The following CDH23 variants were observed in gnomAD, a reference collection of about 807,000 sequenced individuals.
CDH23 encodes cadherin related 23, also known as cadherin-23.
CDH23 carries 189 observed loss-of-function variants against 317.1 expected under a neutral mutation model. The observed-to-expected ratio is 0.60, with a 90% CI of 0.53 to 0.67. The LOEUF is 0.67. Among genes scored for constraint, CDH23 ranks in the 30% least tolerant of loss-of-function variants. The pLI, the probability that CDH23 is intolerant of heterozygous loss-of-function variation, is 0.00. For missense variants in CDH23, 4,401 were observed against 4,592.4 expected (o/e 0.96, Z 1.20); for synonymous variants, 1,839 against 1,876.8 (o/e 0.98, Z 0.52).
At chr10:71,657,513 A>C (rs1182037383) in intron 14 of CDH23, among the ~76,000 whole-genome samples, 2 of 152,228 alleles carry the variant, frequency 1.3e-5, no homozygotes, top group Non-Finnish European at 2.9e-5. Context: ...AAAACTTGCC[A>C]ACGTGAATTA....
At chr10:71,474,347 C>T (rs902188337) in intron 3 of CDH23, among the ~76,000 whole-genome samples, 1 of 152,210 alleles carries the variant, frequency 6.6e-6, no homozygotes, top group African/African-American at 2.4e-5. Context: ...GGTACCATCC[C>T]TGCTGAGGCT....
At chr10:71,399,643 T>G (rs1847692175) in intron 1 of CDH23, among the ~76,000 whole-genome samples, 1 of 152,116 alleles carries the variant, frequency 6.6e-6, no homozygotes, top group African/African-American at 2.4e-5. Flanking sequence ...TGAACTCCTA[T>G]AGTCCCAGCT....
chr10:71,472,349 A>T (rs1254620564), intron 3 of CDH23, among the ~76,000 whole-genome samples: 2 of 152,232 alleles, frequency 1.3e-5, no homozygotes, highest in African/African-American at 2.4e-5. Flanking sequence ...AAGGGCTGGC[A>T]GTGTGGCTTT....
chr10:71,808,126 C>G, intron 60 of CDH23, 119 bp downstream of exon 60: 1 of 1,190,586 alleles, frequency 8.4e-7, no homozygotes, highest in South Asian at 1.4e-5. Flanking sequence ...GGCCCCCCAG[C>G]CAGCCACACC....
chr10:71,616,292 G>T (rs936782107), intron 10 of CDH23, among the ~76,000 whole-genome samples: 1 of 152,242 alleles, frequency 6.6e-6, no homozygotes, highest in Non-Finnish European at 1.5e-5. Context: ...GAGGCCAGGG[G>T]CTCTGGGAAG....
intron 14 of CDH23, among the ~76,000 whole-genome samples, chr10:71,651,486 T>TCCACTGCACTCCAGTGAGCCGTGAG (rs1863167769): frequency 6.7e-5 from 10 of 148,986 alleles, no homozygotes; most frequent in Non-Finnish European, 1.3e-4. Flanking sequence ...TGAGCCGTGA[T>TCCACTGCACTCCAGTGAGCCGTGAG]CCACTGCACT....
At chr10:71,602,172 C>T (rs1226346807) in intron 9 of CDH23, among the ~76,000 whole-genome samples, 1 of 152,058 alleles carries the variant, frequency 6.6e-6, no homozygotes, top group Non-Finnish European at 1.5e-5. Flanking sequence ...GTGATGGGTT[C>T]TCCTTCCACA....
At chr10:71,742,898 G>T (rs778437471) in intron 38 of CDH23, among the ~76,000 whole-genome samples, 2 of 152,228 alleles carry the variant, frequency 1.3e-5, no homozygotes, top group Non-Finnish European at 2.9e-5. Context: ...TCTCAGCTGG[G>T]CTTCTGCATT....
intron 3 of CDH23, among the ~76,000 whole-genome samples, chr10:71,453,387 G>A (rs375512300): frequency 3.9e-5 from 6 of 152,240 alleles, no homozygotes; most frequent in African/African-American, 1.2e-4. Context: ...GGAGCGGTGC[G>A]CCTGCAAGCA....
chr10:71,688,701 C>CCAGGGGTGGTGGAGT (rs1865021613), intron 19 of CDH23, among the ~76,000 whole-genome samples: 1 of 69,816 alleles, frequency 1.4e-5, no homozygotes, highest in Admixed American at 1.5e-4. Flanking sequence ...GGTGGTGGAG[C>CCAGGGGTGGTGGAGT]CAGGGGTGGT....
chr10:71,619,716 C>T lies in CDH23; in HGVS notation c.1134+2323C>T, dbSNP rs532031298. 8.5e-4 allele frequency among the ~76,000 whole-genome samples: 130 copies of T among 152,276 alleles called. 4 individuals carry two copies. The South Asian group carries it at 0.026, about 30-fold the overall frequency. On this transcript the variant is annotated intron_variant, in intron 11 of 69. Coordinates refer to ENST00000224721, the MANE Select transcript of CDH23 (RefSeq NM_022124.6). Reference sequence around the variant, plus strand: ...CACAGCAGGCCATAATCCAGGCAAGCAAGGATGTGTGCAGTGGGGAGGTAG... The same window carrying T: ...CACAGCAGGCCATAATCCAGGCAAGTAAGGATGTGTGCAGTGGGGAGGTAG...
At chr10:71,657,782 A>G (rs1297213818) in intron 14 of CDH23, among the ~76,000 whole-genome samples, 1 of 151,910 alleles carries the variant, frequency 6.6e-6, no homozygotes, top group African/African-American at 2.4e-5. Context: ...ATTGTTCTCA[A>G]ACCCTTGAGA....
At chr10:71,437,440 T>C (rs1003921606) in intron 1 of CDH23, among the ~76,000 whole-genome samples, 3 of 152,220 alleles carry the variant, frequency 2.0e-5, no homozygotes, top group African/African-American at 7.2e-5. Flanking sequence ...TATTATCTCC[T>C]AAAAAGAAAG....
At position 71,646,598 on chromosome 10, in the gene CDH23, C is replaced by T; in HGVS notation, c.1430C>T (p.Thr477Ile). 2 of 1,613,980 alleles carry T rather than the reference C, an allele frequency of 1.2e-6. No individual in the cohort carries two copies. Among genetic ancestry groups the T allele is most frequent in the Non-Finnish European group, 1.7e-6 (2 of 1,179,896 alleles). ...ISLYENVTVG[T>I]SVLTVLATDN... ...CTGTACGAGAACGTCACCGTGGGGACCTCTGTGCTGACAGTCCTGGTGAGT... is the reference window on the plus strand; with the variant it reads ...CTGTACGAGAACGTCACCGTGGGGATCTCTGTGCTGACAGTCCTGGTGAGT... Residue 477 changes from threonine (T) to isoleucine (I), a missense_variant, in exon 14 of 70, where the codon ACC becomes ATC. By Grantham distance (89) the Thr-to-Ile change is moderately conservative. Coordinates refer to ENST00000224721, the MANE Select transcript of CDH23 (RefSeq NM_022124.6).
chr10:71,613,166 A>G (rs1861003872), intron 9 of CDH23, among the ~76,000 whole-genome samples: 1 of 152,226 alleles, frequency 6.6e-6, no homozygotes, highest in South Asian at 2.1e-4. Flanking sequence ...TCATTAGAGA[A>G]GCACAATAAC....
intron 14 of CDH23, among the ~76,000 whole-genome samples, chr10:71,665,900 C>T (rs1307307517): frequency 6.6e-6 from 1 of 152,200 alleles, no homozygotes; most frequent in East Asian, 1.9e-4. Flanking sequence ...GAGAGTCCAA[C>T]AGGATAGCAA....
At chr10:71,584,391 G>A (rs1858884529) in intron 9 of CDH23, among the ~76,000 whole-genome samples, 2 of 152,186 alleles carry the variant, frequency 1.3e-5, no homozygotes, top group Non-Finnish European at 2.9e-5. Context: ...TCACTTCCAG[G>A]TCACACTGGG....
chr10:71,571,839 C>A (rs145462397), intron 8 of CDH23, among the ~76,000 whole-genome samples: 230 of 152,356 alleles, frequency 1.5e-3, no homozygotes, highest in Non-Finnish European at 2.6e-3. Context: ...GGGCACCCGC[C>A]TAAGGCTCGT....
chr10:71,778,347 G>T, intron 40 of CDH23, 39 bp downstream of exon 40: 2 of 1,612,374 alleles, frequency 1.2e-6, no homozygotes, highest in Non-Finnish European at 1.7e-6. Context: ...GGGCTTGGAG[G>T]TTGGCGAAGG....
Sources: allele counts gnomAD v4.1 joint callset (sites outside exome capture counted in the v4.1 genomes callset), GRCh38; gene constraint gnomAD v4.1.1; transcripts MANE v1.5; gene names NCBI Gene and HGNC (gene_info 2026-07-23, HGNC 2026-07-21).